The following GABRB1 variants were observed in gnomAD, a reference collection of about 807,000 sequenced individuals.
GABRB1 encodes gamma-aminobutyric acid type A receptor subunit beta1, also known as gamma-aminobutyric acid receptor subunit beta-1.
A neutral mutation model predicts 51.6 loss-of-function variants in GABRB1; 17 were observed. The ratio of observed to expected loss-of-function variants is 0.33; its 90% CI spans 0.23 to 0.49. The LOEUF is 0.49. GABRB1 is among the 20% of genes least tolerant of loss of function. The pLI is 0.99. For synonymous variants in GABRB1, 247 were observed against 218.9 expected, an observed-to-expected ratio of 1.13 and a Z score of -1.14; for missense variants, 410 against 600.6, an observed-to-expected ratio of 0.68 and a Z score of 3.32.
chr4:47,322,102 A>C (rs1725105346), intron 5 of GABRB1, among the ~76,000 whole-genome samples: 1 of 152,216 alleles, frequency 6.6e-6, no homozygotes, highest in Non-Finnish European at 1.5e-5. Context: ...AATGAAGCAG[A>C]AATTAAATGT....
intron 4 of GABRB1, among the ~76,000 whole-genome samples, chr4:47,175,901 G>C (rs1171144149): frequency 6.6e-6 from 1 of 151,960 alleles, no homozygotes; most frequent in Non-Finnish European, 1.5e-5. Context: ...TATTCAAGGT[G>C]GTAGCAAATT....
chr4:47,059,414 C>T (rs1274699878), intron 3 of GABRB1, among the ~76,000 whole-genome samples: 2 of 152,100 alleles, frequency 1.3e-5, no homozygotes, highest in Non-Finnish European at 2.9e-5. Context: ...TCAAGCAGTC[C>T]TTCCATTTCA....
In GABRB1 at chr4:47,263,749, GT is replaced by G. The variant is rs1341036691; in HGVS notation, c.462-56375del. On this transcript the variant is annotated intron_variant, in intron 4 of 8. Transcript: ENST00000295454. ...AAGTCTATAAATGAAAGGACACTGA[GT>G]TTGCTGAGAAGGAAAAGCTAAATTC... Among the ~76,000 whole-genome samples, 3 of 152,288 alleles carry G rather than the reference GT, an allele frequency of 2.0e-5. No homozygotes were observed. In the East Asian group the frequency reaches 5.8e-4, roughly 29 times the overall value.
chr4:47,093,560 A>T (rs1274252738), intron 3 of GABRB1, among the ~76,000 whole-genome samples: 1 of 152,196 alleles, frequency 6.6e-6, no homozygotes, highest in Non-Finnish European at 1.5e-5. Flanking sequence ...TATTTGTACC[A>T]CCATATTTTT....
intron 4 of GABRB1, among the ~76,000 whole-genome samples, chr4:47,303,118 T>C (rs558277407): frequency 2.6e-5 from 4 of 152,070 alleles, no homozygotes; most frequent in South Asian, 2.1e-4. Flanking sequence ...TTATTTACTC[T>C]GAATTTCTAG....
chr4:47,143,253 T>C (rs998846034), intron 3 of GABRB1, among the ~76,000 whole-genome samples: 1 of 151,918 alleles, frequency 6.6e-6, no homozygotes, highest in East Asian at 1.9e-4. Flanking sequence ...ACATTTTCTC[T>C]ATTTTAACAT....
At chr4:47,079,484 C>T (rs1238693904) in intron 3 of GABRB1, among the ~76,000 whole-genome samples, 2 of 151,472 alleles carry the variant, frequency 1.3e-5, no homozygotes, top group Non-Finnish European at 2.9e-5. Flanking sequence ...TTTTTTGACC[C>T]ATCTCATTAC....
intron 3 of GABRB1, among the ~76,000 whole-genome samples, chr4:47,114,445 C>A (rs1434120869): frequency 3.3e-5 from 5 of 152,262 alleles, no homozygotes; most frequent in African/African-American, 1.2e-4. Flanking sequence ...GTGTGTTCAT[C>A]CTCATCTCCA....
At chr4:47,366,072 G>A (rs994185330) in intron 5 of GABRB1, among the ~76,000 whole-genome samples, 3 of 152,152 alleles carry the variant, frequency 2.0e-5, no homozygotes, top group African/African-American at 4.8e-5. Context: ...TTTAATTTTA[G>A]CATTCTTCAC....
chr4:47,270,628 A>G (rs558148855), intron 4 of GABRB1, among the ~76,000 whole-genome samples: 2 of 152,340 alleles, frequency 1.3e-5, no homozygotes, highest in South Asian at 4.1e-4. Flanking sequence ...TGTATTTGTC[A>G]GAGTGGGGAA....
intron 4 of GABRB1, among the ~76,000 whole-genome samples, chr4:47,309,122 G>T (rs909200264): frequency 1.3e-5 from 2 of 152,078 alleles, no homozygotes; most frequent in African/African-American, 4.8e-5. Context: ...AGACATATGT[G>T]TATAATGATA....
At chr4:47,304,972 A>G (rs964087779) in intron 4 of GABRB1, among the ~76,000 whole-genome samples, 2 of 152,094 alleles carry the variant, frequency 1.3e-5, no homozygotes, top group Non-Finnish European at 2.9e-5. Flanking sequence ...GGAAACTCAG[A>G]CATAGATTAA....
At chr4:47,323,085 A>G (rs1725142312) in intron 5 of GABRB1, among the ~76,000 whole-genome samples, 1 of 152,198 alleles carries the variant, frequency 6.6e-6, no homozygotes, top group Admixed American at 6.5e-5. Context: ...ACTGGTCTGT[A>G]TTTCCTAAAC....
intron 5 of GABRB1, among the ~76,000 whole-genome samples, chr4:47,323,635 T>C (rs1332800161): frequency 6.6e-6 from 1 of 152,188 alleles, no homozygotes; most frequent in African/African-American, 2.4e-5. Context: ...TGATGTAAGA[T>C]TGAACCAATC....
chr4:47,013,488 GT>G (rs1183245131), intron 1 of GABRB1, among the ~76,000 whole-genome samples: 1 of 152,124 alleles, frequency 6.6e-6, no homozygotes, highest in Non-Finnish European at 1.5e-5. Flanking sequence ...ACAAAATGAT[GT>G]TTCTTGGTTT....
intron 3 of GABRB1, among the ~76,000 whole-genome samples, chr4:47,094,486 G>A (rs1714297162): frequency 6.6e-6 from 1 of 151,840 alleles, no homozygotes; most frequent in Admixed American, 6.6e-5. Flanking sequence ...GCCTCCCAAA[G>A]TACTGGGATT....
At chr4:47,115,573 A>T (rs1460903683) in intron 3 of GABRB1, among the ~76,000 whole-genome samples, 2 of 152,060 alleles carry the variant, frequency 1.3e-5, no homozygotes, top group Non-Finnish European at 2.9e-5. Context: ...TGGGGAATTA[A>T]CTTGATTTTC....
At chr4:47,288,103 A>G (rs1364659586) in intron 4 of GABRB1, among the ~76,000 whole-genome samples, 1 of 152,118 alleles carries the variant, frequency 6.6e-6, no homozygotes, top group Admixed American at 6.6e-5. Context: ...TTTTTGGAGT[A>G]ATTTGTTATG....
intron 3 of GABRB1, among the ~76,000 whole-genome samples, chr4:47,053,595 G>A (rs575210460): frequency 2.0e-5 from 3 of 152,292 alleles, no homozygotes; most frequent in African/African-American, 7.2e-5. Flanking sequence ...TTCAGCTATA[G>A]CAGTCTTTGT....
Sources: gnomAD v4.1 joint callset for allele counts (sites outside exome capture counted in the v4.1 genomes callset) on GRCh38, gnomAD v4.1.1 for gene constraint, MANE v1.5 for transcripts, NCBI Gene and HGNC (gene_info 2026-07-23, HGNC 2026-07-21) for gene names.